The following SPINK13 variants were observed in gnomAD, a reference collection of about 807,000 sequenced individuals.
SPINK13 encodes the protein serine peptidase inhibitor Kazal type 13, also known as serine protease inhibitor Kazal-type 13.
A neutral mutation model predicts 11.0 loss-of-function variants in SPINK13; 11 were observed. The ratio of observed to expected loss-of-function variants is 1.00; its 90% CI spans 0.63 to 1.65. The LOEUF (loss-of-function observed/expected upper bound fraction) is 1.65, where lower values mean the gene tolerates loss of function less well. Among genes scored for constraint, SPINK13 ranks in the 40% most tolerant of loss-of-function variants. SPINK13 has a pLI of 0.00. For missense variants in SPINK13, 113 were observed against 117.7 expected (o/e 0.96, Z 0.19); for synonymous variants, 31 against 35.6 (o/e 0.87, Z 0.46).
chr5:148,285,877 G>T, intron 4 of SPINK13, 123 bp from the exon 5 acceptor site: 2 of 516,204 alleles, frequency 3.9e-6, no homozygotes, highest in Middle Eastern at 4.0e-4. Context: ...AAAGAAGGAT[G>T]TAAAGGGAAT....
At chr5:148,280,499 A>G (rs1299243527) in intron 3 of SPINK13, among the ~76,000 whole-genome samples, 2 of 152,020 alleles carry the variant, frequency 1.3e-5, no homozygotes, top group East Asian at 1.9e-4. Context: ...TGATGTTGAT[A>G]CTATTGCTTT....
At chr5:148,281,986 A>G (rs959682979) in intron 3 of SPINK13, 118 bp from the exon 4 acceptor site, 3 of 1,400,582 alleles carry the variant, frequency 2.1e-6, no homozygotes, top group Admixed American at 2.1e-5. Context: ...TGAATCCTTG[A>G]TAAGATCAAT....
chr5:148,278,585 T>C (rs1756466695), intron 3 of SPINK13, among the ~76,000 whole-genome samples: 1 of 152,180 alleles, frequency 6.6e-6, no homozygotes, highest in South Asian at 2.1e-4. Context: ...CAGTTTTGAG[T>C]GAGTTTCTTA....
chr5:148,283,823 C>A (rs1756552200), intron 4 of SPINK13, among the ~76,000 whole-genome samples: 2 of 152,188 alleles, frequency 1.3e-5, no homozygotes, highest in Non-Finnish European at 2.9e-5. Flanking sequence ...TTTGTACACA[C>A]ACTACTAAAA....
intron 4 of SPINK13, among the ~76,000 whole-genome samples, chr5:148,283,260 C>T (rs1323567581): frequency 6.6e-6 from 1 of 152,192 alleles, no homozygotes; most frequent in Non-Finnish European, 1.5e-5. Flanking sequence ...AATACTTAAT[C>T]TCCAGCTCCT....
At chr5:148,281,174 T>C (rs995219421) in intron 3 of SPINK13, among the ~76,000 whole-genome samples, 1 of 152,180 alleles carries the variant, frequency 6.6e-6, no homozygotes, top group African/African-American at 2.4e-5. Context: ...CCGACTGCTG[T>C]GCTGGCAGCA....
At chr5:148,284,896 A>C (rs1756568550) in intron 4 of SPINK13, among the ~76,000 whole-genome samples, 1 of 152,240 alleles carries the variant, frequency 6.6e-6, no homozygotes. Context: ...TGCTAGGAAA[A>C]GAGAACATTA....
Position 148,270,068 on chromosome 5 carries a change from A to G in SPINK13, c.-5A>G. 1 of 1,613,996 alleles carries G rather than the reference A, an allele frequency of 6.2e-7. No homozygotes were observed. Among genetic ancestry groups the G allele is most frequent in the Admixed American group, 1.7e-5 (1 of 60,014 alleles). ...TTATCAAAGAAGAGTCTTATATGAG[A>G]TCAAATGGCTGCCTTTCCCCACAAG... On this transcript the variant is annotated 5_prime_UTR_variant, in exon 2 of 5. Transcript: ENST00000398450.
At chr5:148,283,059 C>T (rs1342950975) in intron 4 of SPINK13, among the ~76,000 whole-genome samples, 11 of 152,028 alleles carry the variant, frequency 7.2e-5, no homozygotes, top group African/African-American at 2.4e-4. Context: ...GTGGAGTCCC[C>T]GAGAGAGCAG....
chr5:148,281,086 G>T (rs1756506142), intron 3 of SPINK13, among the ~76,000 whole-genome samples: 1 of 152,124 alleles, frequency 6.6e-6, no homozygotes, highest in Non-Finnish European at 1.5e-5. Flanking sequence ...TACACTGTGA[G>T]GGGAAAACCA....
chr5:148,284,130 T>C, intron 4 of SPINK13, among the ~76,000 whole-genome samples: 1 of 118,704 alleles, frequency 8.4e-6, no homozygotes, highest in African/African-American at 6.6e-5. Context: ...TTCCTTCCTC[T>C]CTTCCTTCAT....
At chr5:148,272,282 T>G (rs1756362597) in intron 2 of SPINK13, among the ~76,000 whole-genome samples, 1 of 152,204 alleles carries the variant, frequency 6.6e-6, no homozygotes, top group Non-Finnish European at 1.5e-5. Flanking sequence ...GTGTGTGAAT[T>G]TTCTATAATA....
chr5:148,279,903 T>C (rs987796037), intron 3 of SPINK13, among the ~76,000 whole-genome samples: 2 of 152,210 alleles, frequency 1.3e-5, no homozygotes, highest in Non-Finnish European at 2.9e-5. Flanking sequence ...ATTCTCCCCA[T>C]CACTTTCAAG....
rs1408173191 is a variant in SPINK13, at chr5:148,270,043, T to G, written c.-30T>G. 3 of 1,610,212 alleles carry G rather than the reference T, an allele frequency of 1.9e-6. No individual in the cohort carries two copies. Among genetic ancestry groups the G allele is most frequent in the Non-Finnish European group, 2.5e-6 (3 of 1,177,058 alleles). ...ACAATCTTGGGCATGTTCACAGGCC[T>G]TATCAAAGAAGAGTCTTATATGAGA... On this transcript the variant is annotated 5_prime_UTR_variant, in exon 2 of 5. Transcript: ENST00000398450.
At chr5:148,274,628 C>G (rs903923107) in intron 3 of SPINK13, among the ~76,000 whole-genome samples, 1 of 152,054 alleles carries the variant, frequency 6.6e-6, no homozygotes, top group Non-Finnish European at 1.5e-5. Flanking sequence ...AAGGCTGTAG[C>G]CAGCTACATG....
intron 2 of SPINK13, among the ~76,000 whole-genome samples, chr5:148,271,103 A>G (rs1391151719): frequency 6.6e-6 from 1 of 152,234 alleles, no homozygotes; most frequent in Non-Finnish European, 1.5e-5. Flanking sequence ...CAGATTAGTA[A>G]AGCAGACACT....
intron 1 of SPINK13, among the ~76,000 whole-genome samples, chr5:148,269,618 T>C (rs17108103): frequency 0.15 from 22,073 of 152,096 alleles, 3,686 homozygotes; most frequent in African/African-American, 0.4. Context: ...ACAGGACAGC[T>C]CTCAGTTTAC....
At position 148,279,780 on chromosome 5, in the gene SPINK13, G is replaced by T. The variant is rs115357858; in HGVS notation, c.109-2324G>T. ...CTCTTGGGATTGCCCTCCTTCAGGAGTATCTTTGTGGTGTTCTCTGTTTAT... is the reference window on the plus strand; with the variant it reads ...CTCTTGGGATTGCCCTCCTTCAGGATTATCTTTGTGGTGTTCTCTGTTTAT... On this transcript the variant is annotated intron_variant, in intron 3 of 4. Coordinates refer to ENST00000398450, the MANE Select transcript of SPINK13 (RefSeq NM_001040129.3). 6.8e-3 allele frequency among the ~76,000 whole-genome samples: 1,038 copies of T among 152,284 alleles called. 14 individuals carry two copies. Among genetic ancestry groups the T allele is most frequent in the African/African-American group, 0.02 (813 of 41,564 alleles).
chr5:148,280,521 T>A (rs1756496991), intron 3 of SPINK13, among the ~76,000 whole-genome samples: 1 of 152,216 alleles, frequency 6.6e-6, no homozygotes, highest in East Asian at 1.9e-4. Context: ...GTTTGTTAGT[T>A]TGCCTTCTAA....
Sources: allele counts gnomAD v4.1 joint callset (sites outside exome capture counted in the v4.1 genomes callset), GRCh38; gene constraint gnomAD v4.1.1; transcripts MANE v1.5; gene names NCBI Gene and HGNC (gene_info 2026-07-23, HGNC 2026-07-21).